ARHGEF3: variants seen among roughly 807,000 people sequenced by gnomAD.
ARHGEF3 encodes Rho guanine nucleotide exchange factor 3, also known as 59.8 kDA protein.
In ARHGEF3, 28 loss-of-function variants were observed where a neutral mutation model predicts 63.2. The ratio of observed to expected loss-of-function variants is 0.44; its 90% CI spans 0.33 to 0.61. The LOEUF (loss-of-function observed/expected upper bound fraction) is 0.61, where lower values mean the gene tolerates loss of function less well. Ranked by LOEUF, ARHGEF3 falls within the 20% of genes least tolerant of loss-of-function variation. The pLI is 0.03. For missense variants in ARHGEF3, 533 were observed against 659.3 expected (o/e 0.81, Z 2.10); for synonymous variants, 266 against 254.2 (o/e 1.05, Z -0.44).
Position 57,021,180 on chromosome 3 carries a change from T to C in ARHGEF3, c.62+13908A>G, listed in dbSNP as rs142547657. ...GTGGTTCACCCCAGGAATGAAAGGA[T>C]GGGTCAACATTAGGAAATCTATCAA... On this transcript the variant is annotated intron_variant, in intron 2 of 12. Coordinates refer to the ARHGEF3 transcript ENST00000338458. Among the ~76,000 whole-genome samples, 533 of 152,254 alleles carry C rather than the reference T, an allele frequency of 3.5e-3. 3 individuals carry two copies. The highest frequency in any genetic ancestry group is 6.8e-3 in the Middle Eastern group (2 of 294).
At chr3:56,968,260 TA>T (rs1700733085) in intron 2 of ARHGEF3, among the ~76,000 whole-genome samples, 1 of 29,528 alleles carries the variant, frequency 3.4e-5, no homozygotes, top group Non-Finnish European at 8.0e-5. Flanking sequence ...ATATAATATT[TA>T]AATATATAAT....
intron 1 of ARHGEF3, among the ~76,000 whole-genome samples, chr3:57,058,519 A>G (rs1355020793): frequency 6.6e-6 from 1 of 152,174 alleles, no homozygotes; most frequent in African/African-American, 2.4e-5. Flanking sequence ...ATGTGGAGAA[A>G]TAGGAAAACT....
At chr3:56,991,646 G>A (rs1480621572) in intron 2 of ARHGEF3, among the ~76,000 whole-genome samples, 1 of 152,104 alleles carries the variant, frequency 6.6e-6, no homozygotes, top group Non-Finnish European at 1.5e-5. Flanking sequence ...ACAGGGTCTC[G>A]CTCTGTCGCC....
chr3:57,074,550 G>A (rs1365455432), intron 1 of ARHGEF3: 1 of 404,640 alleles, frequency 2.5e-6, no homozygotes, highest in Non-Finnish European at 4.6e-6. Context: ...TGTATTAAAT[G>A]ACATCAATTG....
chr3:56,755,352 T>C (rs2035006186), intron 2 of ARHGEF3, among the ~76,000 whole-genome samples: 1 of 152,190 alleles, frequency 6.6e-6, no homozygotes, highest in African/African-American at 2.4e-5. Flanking sequence ...TTGGAACATG[T>C]GCTGGGAGTA....
chr3:56,844,105 T>G (rs542755181), intron 4 of ARHGEF3, among the ~76,000 whole-genome samples: 33 of 152,356 alleles, frequency 2.2e-4, no homozygotes, highest in African/African-American at 7.5e-4. Context: ...CTTTAGTGCA[T>G]GACAAATTAT....
intron 9 of ARHGEF3, among the ~76,000 whole-genome samples, chr3:56,729,834 C>T (rs182718385): frequency 2.9e-5 from 4 of 137,912 alleles, no homozygotes; most frequent in East Asian, 2.4e-4. Context: ...CAGCTGCCCT[C>T]GTCGCTCTCA....
chr3:57,029,142 C>T (rs1380682748), intron 2 of ARHGEF3, among the ~76,000 whole-genome samples: 1 of 152,144 alleles, frequency 6.6e-6, no homozygotes, highest in African/African-American at 2.4e-5. Context: ...TAAATAACAT[C>T]TACTTGGGCC....
intron 4 of ARHGEF3, among the ~76,000 whole-genome samples, chr3:56,877,937 T>G (rs2040644230): frequency 6.6e-6 from 1 of 152,346 alleles, no homozygotes; most frequent in South Asian, 2.1e-4. Flanking sequence ...GAAAAAAAAT[T>G]AAAGGTTTGT....
chr3:56,967,935 A>T (rs1171682882), intron 2 of ARHGEF3, among the ~76,000 whole-genome samples: 6 of 68,248 alleles, frequency 8.8e-5, no homozygotes, highest in African/African-American at 2.4e-4. Flanking sequence ...ATATAATATA[A>T]AATATATTAT....
chr3:57,017,032 T>TCTCTCTCTCTCACACA (rs1221332567), intron 2 of ARHGEF3, among the ~76,000 whole-genome samples: 7 of 104,392 alleles, frequency 6.7e-5, no homozygotes, highest in East Asian at 2.8e-4. Flanking sequence ...TCTCTCTCTC[T>TCTCTCTCTCTCACACA]CACACACACA....
At chr3:56,963,688 G>C (rs1329898163) in intron 2 of ARHGEF3, among the ~76,000 whole-genome samples, 4 of 152,144 alleles carry the variant, frequency 2.6e-5, no homozygotes, top group Non-Finnish European at 4.4e-5. Flanking sequence ...AAATCAAACA[G>C]CTATATTTTT....
intron 2 of ARHGEF3, among the ~76,000 whole-genome samples, chr3:56,967,446 A>G (rs1345587649): frequency 6.6e-5 from 5 of 76,014 alleles, no homozygotes; most frequent in African/African-American, 2.8e-4. Context: ...AATATATTAT[A>G]TATTATACAT....
intron 4 of ARHGEF3, among the ~76,000 whole-genome samples, chr3:56,815,565 A>G (rs1483961551): frequency 1.3e-5 from 2 of 152,226 alleles, no homozygotes; most frequent in Non-Finnish European, 2.9e-5. Flanking sequence ...TTAATATCAA[A>G]TGGCAAAGCA....
At chr3:57,003,549 G>A (rs1176671511) in intron 2 of ARHGEF3, among the ~76,000 whole-genome samples, 1 of 152,104 alleles carries the variant, frequency 6.6e-6, no homozygotes, top group Non-Finnish European at 1.5e-5. Context: ...GTGGTGGGCT[G>A]AATAATGGCC....
chr3:56,846,906 A>T (rs574782132), intron 4 of ARHGEF3, among the ~76,000 whole-genome samples: 2 of 152,326 alleles, frequency 1.3e-5, no homozygotes, highest in South Asian at 4.1e-4. Context: ...TAATAATTGC[A>T]TTTTAACAAG....
chr3:56,729,777 C>A (rs2107675168), intron 9 of ARHGEF3, among the ~76,000 whole-genome samples, 155 bp from the exon 10 acceptor site: 1 of 152,328 alleles, frequency 6.6e-6, no homozygotes, highest in Admixed American at 6.5e-5. Context: ...CTCAGCTCCA[C>A]CCTGCAGCCA....
chr3:56,934,631 C>T (rs2042503324), intron 3 of ARHGEF3, among the ~76,000 whole-genome samples: 1 of 152,222 alleles, frequency 6.6e-6, no homozygotes, highest in Non-Finnish European at 1.5e-5. Flanking sequence ...GGAGGGTGTA[C>T]TGGGTCCCCC....
At chr3:56,968,060 TA>T (rs1700679518) in intron 2 of ARHGEF3, among the ~76,000 whole-genome samples, 3 of 9,542 alleles carry the variant, frequency 3.1e-4, no homozygotes, top group Admixed American at 3.0e-3. Flanking sequence ...ATAATATATA[TA>T]ATATATATAA....
Sources: gnomAD v4.1 joint callset for allele counts (sites outside exome capture counted in the v4.1 genomes callset) on GRCh38, gnomAD v4.1.1 for gene constraint, MANE v1.5 for transcripts, NCBI Gene and HGNC (gene_info 2026-07-23, HGNC 2026-07-21) for gene names.